The following FARS2 variants were observed in gnomAD, a reference collection of about 807,000 sequenced individuals.
FARS2 encodes phenylalanine--tRNA ligase, mitochondrial.
FARS2 carries 40 observed loss-of-function variants against 46.4 expected under a neutral mutation model. The ratio of observed to expected loss-of-function variants is 0.86; its 90% confidence interval spans 0.67 to 1.12. The LOEUF is 1.12. FARS2 is among the 50% of genes most tolerant of loss of function. The pLI, the probability that FARS2 is intolerant of heterozygous loss-of-function variation, is 0.00. For synonymous variants in FARS2, 234 were observed against 214.9 expected (o/e 1.09, Z -0.78); for missense variants, 513 against 567.9 (o/e 0.90, Z 0.98).
chr6:5,652,614 C>T (rs1777422479), intron 6 of FARS2, among the ~76,000 whole-genome samples: 3 of 152,338 alleles, frequency 2.0e-5, no homozygotes, highest in African/African-American at 7.2e-5. Flanking sequence ...CTTCATTTCT[C>T]GCTTGCCAAC....
At chr6:5,337,188 G>GTGTA (rs1554165108) in intron 1 of FARS2, among the ~76,000 whole-genome samples, 1 of 148,384 alleles carries the variant, frequency 6.7e-6, no homozygotes, top group East Asian at 2.0e-4. Flanking sequence ...TATGTAATAT[G>GTGTA]TATATATATA....
intron 5 of FARS2, among the ~76,000 whole-genome samples, chr6:5,580,325 A>G (rs1365595901): frequency 1.0e-4 from 15 of 148,404 alleles, no homozygotes; most frequent in Non-Finnish European, 1.8e-4. Flanking sequence ...GGGAGGGAGG[A>G]AGGAAGGAAG....
At chr6:5,656,845 G>A (rs555951764) in intron 6 of FARS2, among the ~76,000 whole-genome samples, 3 of 152,184 alleles carry the variant, frequency 2.0e-5, no homozygotes, top group Admixed American at 6.5e-5. Context: ...CACTGTGTCC[G>A]GCCAACCTTG....
chr6:5,482,760 A>G (rs2150345498), intron 4 of FARS2, among the ~76,000 whole-genome samples: 1 of 152,288 alleles, frequency 6.6e-6, no homozygotes, highest in Admixed American at 6.5e-5. Flanking sequence ...AGCTTCAAGG[A>G]GGGGGCCACT....
intron 6 of FARS2, among the ~76,000 whole-genome samples, chr6:5,701,370 C>T (rs1202369562): frequency 1.3e-5 from 2 of 152,246 alleles, no homozygotes; most frequent in Non-Finnish European, 2.9e-5. Flanking sequence ...TGTCTGTGCA[C>T]AGTCTGGAGG....
Position 5,741,167 on chromosome 6 carries a change from A to C in FARS2, c.1218-30124A>C, listed in dbSNP as rs147736920. 3.8e-3 allele frequency among the ~76,000 whole-genome samples: 580 copies of C among 152,344 alleles called. 1 individual carries two copies. The highest frequency in any genetic ancestry group is 0.012 in the African/African-American group (481 of 41,590). On this transcript the variant is annotated intron_variant, in intron 6 of 6. Coordinates refer to ENST00000274680, the MANE Select transcript of FARS2 (RefSeq NM_006567.5). ...TGAACTAATTCCTGTTAAAACCAAC[A>C]GTCACTTTAAGTTTGAGGAAGAAAG...
At chr6:5,497,674 A>G (rs2150374154) in intron 4 of FARS2, among the ~76,000 whole-genome samples, 1 of 152,346 alleles carries the variant, frequency 6.6e-6, no homozygotes, top group South Asian at 2.1e-4. Context: ...AACTTCTTAT[A>G]GTTCTCTAAA....
chr6:5,363,746 C>A (rs1758466246), intron 1 of FARS2, among the ~76,000 whole-genome samples: 1 of 152,160 alleles, frequency 6.6e-6, no homozygotes, highest in Non-Finnish European at 1.5e-5. Context: ...CTGTGGCACC[C>A]TTTACGTCCC....
chr6:5,701,584 C>T (rs560251274), intron 6 of FARS2, among the ~76,000 whole-genome samples: 4 of 152,306 alleles, frequency 2.6e-5, no homozygotes, highest in African/African-American at 7.2e-5. Flanking sequence ...CTCTCACAAA[C>T]AGTTGTTTTA....
chr6:5,537,848 C>T (rs916226826), intron 4 of FARS2, among the ~76,000 whole-genome samples: 10 of 152,074 alleles, frequency 6.6e-5, no homozygotes, highest in African/African-American at 2.2e-4. Context: ...TTTTCTATTG[C>T]CATTCTCCTC....
chr6:5,528,965 C>T (rs944672948), intron 4 of FARS2, among the ~76,000 whole-genome samples: 8 of 152,186 alleles, frequency 5.3e-5, no homozygotes, highest in African/African-American at 1.9e-4. Flanking sequence ...GTGGCATCCT[C>T]TTGCTCCTGT....
intron 4 of FARS2, among the ~76,000 whole-genome samples, chr6:5,539,384 G>GTA (rs1554106819): frequency 0.014 from 1,116 of 79,572 alleles, 47 homozygotes; most frequent in East Asian, 0.022. Flanking sequence ...TTTTTTTTGT[G>GTA]TATATATATA....
rs549662465 is a variant in FARS2 at position 5,408,287 on chromosome 6, A to G, written c.772+3586A>G. ...GGAAGGCTCCTGCTGAGGCACATGC[A>G]CGCTGACACCTGGTAAGTGGGAATT... On this transcript the variant is annotated intron_variant, in intron 3 of 6. Transcript: ENST00000274680. Among the ~76,000 whole-genome samples the G allele has an allele frequency of 3.0e-4, 46 of 152,322 alleles. No homozygotes were observed. The East Asian group carries it at 6.0e-3, about 20-fold the overall frequency.
intron 6 of FARS2, among the ~76,000 whole-genome samples, chr6:5,687,213 T>A (rs1444381130): frequency 4.6e-5 from 7 of 152,222 alleles, no homozygotes; most frequent in African/African-American, 7.2e-5. Context: ...TTAGATCCCA[T>A]TTGTCAATTT....
chr6:5,557,375 G>A (rs1442974119), intron 5 of FARS2, among the ~76,000 whole-genome samples: 2 of 152,116 alleles, frequency 1.3e-5, no homozygotes, highest in East Asian at 1.9e-4. Context: ...TACCTCTTAC[G>A]ACAACGTCTA....
intron 5 of FARS2, among the ~76,000 whole-genome samples, chr6:5,565,253 A>G (rs577696509): frequency 6.6e-6 from 1 of 152,356 alleles, no homozygotes; most frequent in African/African-American, 2.4e-5. Flanking sequence ...GATCAGCAGT[A>G]TTCCAAGCAA....
intron 6 of FARS2, among the ~76,000 whole-genome samples, chr6:5,625,856 G>A (rs890994515): frequency 6.6e-6 from 1 of 152,192 alleles, no homozygotes; most frequent in Non-Finnish European, 1.5e-5. Context: ...CCGGAGAGGT[G>A]GGACTGGGCT....
At chr6:5,282,070 G>T (rs892080670) in intron 1 of FARS2, among the ~76,000 whole-genome samples, 1 of 152,234 alleles carries the variant, frequency 6.6e-6, no homozygotes, top group Non-Finnish European at 1.5e-5. Context: ...TAGCTTGTCA[G>T]TATAATGCCA....
chr6:5,642,863 C>G (rs1450316260), intron 6 of FARS2, among the ~76,000 whole-genome samples: 1 of 152,222 alleles, frequency 6.6e-6, no homozygotes, highest in Non-Finnish European at 1.5e-5. Context: ...TTCATCAAAT[C>G]TCCACAGACC....
Sources: allele counts gnomAD v4.1 joint callset (sites outside exome capture counted in the v4.1 genomes callset), GRCh38; gene constraint gnomAD v4.1.1; transcripts MANE v1.5; gene names NCBI Gene and HGNC (gene_info 2026-07-23, HGNC 2026-07-21).